PTPRD: variants seen among roughly 807,000 people sequenced by gnomAD.
The protein encoded by PTPRD is protein tyrosine phosphatase receptor type D.
PTPRD carries 34 observed loss-of-function variants against 214.5 expected under a neutral mutation model. That is an observed-to-expected ratio of 0.16 (90% CI 0.12 to 0.21). PTPRD has a LOEUF of 0.21. Among genes scored for constraint, PTPRD ranks in the 10% least tolerant of loss-of-function variants. The probability of loss-of-function intolerance (pLI) is 1.00; values close to 1 mark genes in which losing one functional copy is unlikely to be tolerated. For missense variants in PTPRD, 2,545 were observed against 2,398.7 expected (o/e 1.06, Z -1.27); for synonymous variants, 1,128 against 845.7 (o/e 1.33, Z -5.79).
intron 11 of PTPRD, among the ~76,000 whole-genome samples, chr9:8,943,704 T>C (rs564429381): frequency 4.6e-5 from 7 of 151,556 alleles, no homozygotes; most frequent in East Asian, 3.9e-4. Flanking sequence ...GATATCCACA[T>C]GCAGAAGAAT....
intron 11 of PTPRD, among the ~76,000 whole-genome samples, chr9:8,767,535 G>C (rs754268591): frequency 1.3e-5 from 2 of 152,108 alleles, no homozygotes; most frequent in Non-Finnish European, 1.5e-5. Context: ...GGCAAAACTA[G>C]AAAATATCTG....
intron 3 of PTPRD, among the ~76,000 whole-genome samples, chr9:10,295,080 T>C (rs898690815): frequency 6.6e-6 from 1 of 152,096 alleles, no homozygotes; most frequent in Non-Finnish European, 1.5e-5. Flanking sequence ...AAAACAGTTT[T>C]GGTCTTTAAT....
intron 3 of PTPRD, among the ~76,000 whole-genome samples, chr9:10,254,619 A>C (rs999412277): frequency 2.0e-5 from 3 of 152,202 alleles, no homozygotes; most frequent in Non-Finnish European, 2.9e-5. Flanking sequence ...TTATCTTTGC[A>C]GTCCTCACAT....
chr9:9,947,412 T>TAA (rs1444357345), intron 4 of PTPRD, among the ~76,000 whole-genome samples: 16 of 40,992 alleles, frequency 3.9e-4, no homozygotes, highest in African/African-American at 5.3e-4. Context: ...ATAATATATA[T>TAA]TTTATATATA....
chr9:8,816,418 C>G (rs1377380239), intron 11 of PTPRD, among the ~76,000 whole-genome samples: 1 of 152,140 alleles, frequency 6.6e-6, no homozygotes, highest in Non-Finnish European at 1.5e-5. Flanking sequence ...AAACACAAGA[C>G]ACAAAGTTGA....
chr9:9,106,235 C>T (rs2099798386), intron 10 of PTPRD, among the ~76,000 whole-genome samples: 1 of 151,928 alleles, frequency 6.6e-6, no homozygotes, highest in African/African-American at 2.4e-5. Context: ...TCTCCCCATG[C>T]ATCTCAGTCA....
intron 8 of PTPRD, among the ~76,000 whole-genome samples, chr9:9,489,153 A>T: frequency 6.6e-6 from 1 of 152,170 alleles, no homozygotes; most frequent in Middle Eastern, 3.2e-3. Flanking sequence ...GTAGGAAGTA[A>T]CTGTATGCCC....
At chr9:8,414,320 C>G (rs746257235) in intron 35 of PTPRD, among the ~76,000 whole-genome samples, 3 of 152,154 alleles carry the variant, frequency 2.0e-5, no homozygotes, top group Non-Finnish European at 4.4e-5. Flanking sequence ...CCTGTGACAG[C>G]CTTTTGTACT....
At chr9:10,200,147 T>A (rs967879095) in intron 3 of PTPRD, among the ~76,000 whole-genome samples, 2 of 152,136 alleles carry the variant, frequency 1.3e-5, no homozygotes, top group African/African-American at 2.4e-5. Flanking sequence ...TGCTTTCTTT[T>A]ACCTCCCTCT....
intron 14 of PTPRD, among the ~76,000 whole-genome samples, chr9:8,606,759 T>C (rs986696038): frequency 6.6e-6 from 1 of 152,234 alleles, no homozygotes; most frequent in African/African-American, 2.4e-5. Context: ...TTTATATCTA[T>C]ACAATAATCT....
intron 3 of PTPRD, among the ~76,000 whole-genome samples, chr9:10,329,742 C>G (rs544826311): frequency 6.6e-6 from 1 of 151,982 alleles, no homozygotes; most frequent in Non-Finnish European, 1.5e-5. Flanking sequence ...TGACTTACTA[C>G]AGTGATATTC....
intron 3 of PTPRD, among the ~76,000 whole-genome samples, chr9:10,301,750 T>A (rs1377576832): frequency 6.6e-6 from 1 of 151,956 alleles, no homozygotes; most frequent in East Asian, 1.9e-4. Context: ...GAACAAAGAC[T>A]CCAGGAAATA....
chr9:10,193,444 C>G (rs1008662362), intron 3 of PTPRD, among the ~76,000 whole-genome samples: 13 of 151,658 alleles, frequency 8.6e-5, no homozygotes, highest in Non-Finnish European at 1.3e-4. Flanking sequence ...CATGAGAGGT[C>G]GAGAGTTAAA....
intron 10 of PTPRD, among the ~76,000 whole-genome samples, chr9:9,099,880 A>G (rs973933106): frequency 1.3e-5 from 2 of 152,162 alleles, no homozygotes; most frequent in African/African-American, 4.8e-5. Flanking sequence ...AGAGAGCTAC[A>G]CTGAAGGGTG....
intron 7 of PTPRD, among the ~76,000 whole-genome samples, chr9:9,715,316 T>C (rs1053892961): frequency 6.6e-6 from 1 of 152,188 alleles, no homozygotes; most frequent in Non-Finnish European, 1.5e-5. Flanking sequence ...CTGGTTGGCA[T>C]ACAGTTAATG....
chr9:10,529,608 ACC>A lies in PTPRD; in HGVS notation c.-600+82788_-600+82789del, dbSNP rs2055531596. Among the ~76,000 whole-genome samples, 5 of 151,808 alleles carry A rather than the reference ACC, an allele frequency of 3.3e-5. No homozygotes were observed. The South Asian group carries it at 6.3e-4, about 19-fold the overall frequency. On this transcript the variant is annotated intron_variant, in intron 2 of 45. Coordinates refer to ENST00000381196, the MANE Select transcript of PTPRD (RefSeq NM_002839.4). ...GGGGAAGGATAGCATTAGGAGAAAT[ACC>A]TAATGTAGATGATGGCTTGATGGGT... is the stretch of plus-strand genomic sequence containing the variant.
chr9:8,955,881 T>C (rs1418069024), intron 11 of PTPRD, among the ~76,000 whole-genome samples: 1 of 151,932 alleles, frequency 6.6e-6, no homozygotes, highest in Non-Finnish European at 1.5e-5. Flanking sequence ...ACATATAGCA[T>C]TCATTTGCAT....
At chr9:10,489,228 C>T (rs551226386) in intron 2 of PTPRD, among the ~76,000 whole-genome samples, 18 of 152,078 alleles carry the variant, frequency 1.2e-4, no homozygotes, top group Non-Finnish European at 2.4e-4. Flanking sequence ...ATCCTTCTGC[C>T]CCTGGGTGTG....
At chr9:9,138,418 A>T (rs951620438) in intron 10 of PTPRD, among the ~76,000 whole-genome samples, 2 of 152,178 alleles carry the variant, frequency 1.3e-5, no homozygotes, top group African/African-American at 4.8e-5. Context: ...TGCACTTAAA[A>T]GTCAAACATA....
Sources: allele counts gnomAD v4.1 joint callset (sites outside exome capture counted in the v4.1 genomes callset), GRCh38; gene constraint gnomAD v4.1.1; transcripts MANE v1.5; gene names NCBI Gene and HGNC (gene_info 2026-07-23, HGNC 2026-07-21).